The following ANO6 variants were observed in gnomAD, a reference collection of about 807,000 sequenced individuals.
The protein encoded by ANO6 is anoctamin 6.
Under a neutral mutation model 117.5 loss-of-function variants are expected in ANO6, and 106 were observed. The observed-to-expected ratio is 0.90, with a 90% CI of 0.77 to 1.06. The LOEUF (loss-of-function observed/expected upper bound fraction) is 1.06, where lower values mean the gene tolerates loss of function less well. Among genes scored for constraint, ANO6 ranks in the 50% least tolerant of loss-of-function variants. The pLI is 0.00. For missense variants in ANO6, 955 were observed against 1,121.1 expected, an observed-to-expected ratio of 0.85 and a Z score of 2.12; for synonymous variants, 367 against 385.1, an observed-to-expected ratio of 0.95 and a Z score of 0.55.
intron 1 of ANO6, among the ~76,000 whole-genome samples, chr12:45,217,837 G>A (rs1947339620): frequency 6.6e-6 from 1 of 152,166 alleles, no homozygotes; most frequent in South Asian, 2.1e-4. Context: ...TGTTTCCCAG[G>A]AAAGTATTAT....
chr12:45,333,881 TTA>T (rs1940748411), intron 3 of ANO6, among the ~76,000 whole-genome samples: 1 of 152,026 alleles, frequency 6.6e-6, no homozygotes, highest in African/African-American at 2.4e-5. Context: ...GAAAAAAAAC[TTA>T]TGTGTAAACC....
chr12:45,406,736 A>G (rs903433887), intron 15 of ANO6, among the ~76,000 whole-genome samples: 6 of 152,172 alleles, frequency 3.9e-5, no homozygotes, highest in Admixed American at 6.5e-5. Context: ...GAAACAGTAA[A>G]CTGACACATA....
chr12:45,316,528 C>G (rs1940031779), intron 2 of ANO6, among the ~76,000 whole-genome samples: 1 of 152,022 alleles, frequency 6.6e-6, no homozygotes. Flanking sequence ...AATATAGAAA[C>G]TGACAACTGC....
intron 2 of ANO6, chr12:45,313,315 T>G (rs1939906519): frequency 6.6e-6 from 1 of 152,072 alleles, no homozygotes; most frequent in African/African-American, 2.4e-5. Context: ...CAAGTCGCTT[T>G]TCCTTTTAGA....
chr12:45,318,608 C>CT lies in ANO6; in HGVS notation c.151-12679dup, dbSNP rs927562388. Among the ~76,000 whole-genome samples the CT allele has an allele frequency of 8.6e-5, 13 of 151,946 alleles. No homozygotes were observed. The East Asian group carries it at 1.2e-3, about 14-fold the overall frequency. Reference sequence around the variant, plus strand: ...CTTAGGATTGACTTGGCAATGCGGGCTTTTTTTTGGTTCCATATGAACTTT... The same window carrying CT: ...CTTAGGATTGACTTGGCAATGCGGGCTTTTTTTTTGGTTCCATATGAACTTT... On this transcript the variant is annotated intron_variant, in intron 2 of 19. Transcript: ENST00000320560.
intron 1 of ANO6, among the ~76,000 whole-genome samples, chr12:45,260,318 G>GCTAA (rs777279733): frequency 5.3e-5 from 8 of 152,216 alleles, no homozygotes; most frequent in Non-Finnish European, 1.0e-4. Context: ...TCAAGTAAGA[G>GCTAA]CTAATCAAGG....
Position 45,423,075 on chromosome 12 carries a change from T to A in ANO6, c.2526+13T>A, listed in dbSNP as rs1943407827. On this transcript the variant is annotated intron_variant, in intron 19 of 19. Transcript: ENST00000320560. ...CATTGTCATGGAGGTAGGAAAAGTA[T>A]GCTTTCAAACAGTTTATAAGGATGT... 1 of 1,585,046 alleles carries A rather than the reference T, an allele frequency of 6.3e-7. No individual in the cohort carries two copies. Among genetic ancestry groups the A allele is most frequent in the Admixed American group, 1.7e-5 (1 of 59,956 alleles).
chr12:45,350,858 ACT>A, intron 7 of ANO6, 84 bp downstream of exon 7: 11 of 1,189,758 alleles, frequency 9.2e-6, no homozygotes, highest in Non-Finnish European at 1.3e-5. Context: ...ACTCATCAAG[ACT>A]CTTGCCAGTG....
chr12:45,333,845 A>G (rs1940746827), intron 3 of ANO6, among the ~76,000 whole-genome samples: 1 of 152,062 alleles, frequency 6.6e-6, no homozygotes, highest in Non-Finnish European at 1.5e-5. Context: ...AAGGAAAGGC[A>G]ATTCAAAATC....
chr12:45,429,707 C>G lies in ANO6; in HGVS notation c.*396C>G. 1 of 1,115,264 alleles carries G rather than the reference C, an allele frequency of 9.0e-7. No homozygotes were observed. Among genetic ancestry groups the G allele is most frequent in the South Asian group, 2.3e-5 (1 of 43,120 alleles). The allele number at this position is 1,115,264 out of a possible 1,614,324, so 69.1% of individuals were successfully genotyped here. ...TTTTAAGCCATGTTTCATTTCTTCA[C>G]TTGGCTAGATCTGTTCCAGGGTCAT... On this transcript the variant is annotated 3_prime_UTR_variant, in exon 20 of 20. Transcript: ENST00000320560.
At chr12:45,292,674 G>A in intron 1 of ANO6, 1 of 1,261,266 alleles carries the variant, frequency 7.9e-7, no homozygotes, top group Non-Finnish European at 1.0e-6. Flanking sequence ...TATTTTTAGA[G>A]CTGAACTGTT....
At chr12:45,405,063 C>G (rs192229494) in intron 15 of ANO6, among the ~76,000 whole-genome samples, 6 of 152,226 alleles carry the variant, frequency 3.9e-5, no homozygotes, top group African/African-American at 1.4e-4. Flanking sequence ...TTCCCCCACC[C>G]AGAAAGGGAT....
At chr12:45,341,516 C>T (rs921739864) in intron 3 of ANO6, among the ~76,000 whole-genome samples, 2 of 152,174 alleles carry the variant, frequency 1.3e-5, no homozygotes, top group Admixed American at 1.3e-4. Flanking sequence ...TATACATTCT[C>T]ATCAGTGACC....
At chr12:45,427,437 T>G (rs1943530244) in intron 19 of ANO6, among the ~76,000 whole-genome samples, 1 of 152,206 alleles carries the variant, frequency 6.6e-6, no homozygotes, top group Admixed American at 6.5e-5. Context: ...CTATTCCCTT[T>G]ACCTAGAATG....
chr12:45,321,323 A>AT (rs1332540211), intron 2 of ANO6, among the ~76,000 whole-genome samples: 17 of 152,066 alleles, frequency 1.1e-4, no homozygotes, highest in African/African-American at 4.1e-4. Flanking sequence ...GTATTAATAA[A>AT]TTTTCGCTAC....
chr12:45,245,233 A>G (rs1947806702), intron 1 of ANO6, among the ~76,000 whole-genome samples: 1 of 152,206 alleles, frequency 6.6e-6, no homozygotes, highest in East Asian at 1.9e-4. Context: ...AAGCCACATA[A>G]ATGAAAATGG....
chr12:45,401,740 A>T, intron 12 of ANO6, 55 bp from the exon 13 acceptor site: 1 of 1,400,460 alleles, frequency 7.1e-7, no homozygotes, highest in South Asian at 1.2e-5. Context: ...AGTTTTTAAT[A>T]GTACAAGTGC....
At chr12:45,298,077 G>A (rs185646012) in intron 1 of ANO6, among the ~76,000 whole-genome samples, 1 of 152,130 alleles carries the variant, frequency 6.6e-6, no homozygotes, top group Admixed American at 6.5e-5. Context: ...GCATCCATGC[G>A]AAATCCCACT....
At chr12:45,383,921 C>G (rs1026349444) in intron 10 of ANO6, among the ~76,000 whole-genome samples, 1 of 152,224 alleles carries the variant, frequency 6.6e-6, no homozygotes, top group Admixed American at 6.5e-5. Flanking sequence ...CTTAGAAGTT[C>G]TGAAGCCAGG....
Sources: gnomAD v4.1 joint callset for allele counts (sites outside exome capture counted in the v4.1 genomes callset) on GRCh38, gnomAD v4.1.1 for gene constraint, MANE v1.5 for transcripts, NCBI Gene and HGNC (gene_info 2026-07-23, HGNC 2026-07-21) for gene names.